Variants in NOL6 observed in about 807,000 individuals in gnomAD.
NOL6 encodes the protein nucleolar RNA-associated protein.
NOL6 carries 33 observed loss-of-function variants against 131.7 expected under a neutral mutation model. The observed-to-expected ratio is 0.25, with a 90% CI of 0.19 to 0.33. The LOEUF (loss-of-function observed/expected upper bound fraction) is 0.33. Ranked by LOEUF, NOL6 falls within the 10% of genes least tolerant of loss-of-function variation. The pLI is 1.00. For synonymous variants in NOL6, 580 were observed against 605.7 expected, an observed-to-expected ratio of 0.96 and a Z score of 0.62; for missense variants, 1,297 against 1,494.5, an observed-to-expected ratio of 0.87 and a Z score of 2.18.
Position 33,465,831 on chromosome 9 carries a change from T to G in NOL6, c.2431A>C (p.Ser811Arg), listed in dbSNP as rs1442516089. ...CTCAGCGAGATCATCCCCTCTGGGC[T>G]CTGCACCTCCTTCAGGATCTGGGGC... ...REPQILKEVQ[S>R]PEGMISLRDT... Residue 811 changes from serine to arginine, a missense_variant, in exon 19 of 26, where the codon AGC (serine) becomes CGC (arginine). Ser to Arg is a moderately radical substitution (Grantham distance 110). Transcript: ENST00000297990. 2 of 1,614,098 alleles carry G rather than the reference T, an allele frequency of 1.2e-6. No individual in the cohort carries two copies. The highest frequency in any genetic ancestry group is 1.7e-6 in the Non-Finnish European group (2 of 1,179,996).
chr9:33,464,210 A>T, intron 21 of NOL6, 49 bp from the exon 22 acceptor site: 1 of 1,550,176 alleles, frequency 6.5e-7, no homozygotes, highest in South Asian at 1.2e-5. Context: ...CCTGTAAGAC[A>T]CCCTCTACTC....
At chr9:33,469,934 C>A in intron 4 of NOL6, 78 bp downstream of exon 4, 1 of 1,390,740 alleles carries the variant, frequency 7.2e-7, no homozygotes, top group Non-Finnish European at 9.7e-7. Context: ...CCCTGGCAAG[C>A]GGCAGATAAG....
Position 33,469,643 on chromosome 9 carries a change from G to A in NOL6, c.583C>T (p.Leu195=), listed in dbSNP as rs370528708. The change falls in exon 5 of 26, where the codon CTG becomes TTG. Residue 195 remains leucine (L), a synonymous_variant. Coordinates refer to ENST00000297990, the MANE Select transcript of NOL6 (RefSeq NM_022917.5). ...CGCTTGCGGAAGTAGCGCTGGTTCAGCCCGTCCTTGTCCTGTAGGATTTCC... is the reference window on the plus strand; with the variant it reads ...CGCTTGCGGAAGTAGCGCTGGTTCAACCCGTCCTTGTCCTGTAGGATTTCC... ...PREILQDKDG[L]NQRYFRKRAL... 1 of 1,612,912 alleles carries A rather than the reference G, an allele frequency of 6.2e-7. No homozygotes were observed. Among genetic ancestry groups the A allele is most frequent in the Non-Finnish European group, 8.5e-7 (1 of 1,179,628 alleles).
At position 33,466,241 on chromosome 9, in the gene NOL6, C is replaced by T. The variant is rs753520824; in HGVS notation, c.2210-16G>A. 1 of 1,610,540 alleles carries T rather than the reference C, an allele frequency of 6.2e-7. No individual in the cohort carries two copies. ...TGACAAACCACTGAGGAAGAAGAGT[C>T]AGAGGTCTCATACTGTGGCCTGGAG... On this transcript the variant is annotated splice_polypyrimidine_tract_variant and intron_variant, in intron 17 of 25. Transcript: ENST00000297990.
rs748927445 is a variant in NOL6 at position 33,462,634 on chromosome 9, G to C, written c.*30C>G. On this transcript the variant is annotated 3_prime_UTR_variant, in exon 26 of 26. Coordinates refer to ENST00000297990, the MANE Select transcript of NOL6 (RefSeq NM_022917.5). ...TGCTCTAGAGGTCCAATGTCCTGCT[G>C]TCCGTCTACAGCTTGCTCCAGAGCT... is the stretch of plus-strand genomic sequence containing the variant. The C allele has an allele frequency of 6.2e-7, 1 of 1,612,044 alleles. No homozygotes were observed. Among genetic ancestry groups the C allele is most frequent in the Non-Finnish European group, 8.5e-7 (1 of 1,178,544 alleles).
rs1388302383 is a variant in NOL6 at position 33,468,788 on chromosome 9, C to T, written c.1111G>A (p.Gly371Ser). 2.5e-6 allele frequency: 4 copies of T among 1,614,088 alleles called. No individual in the cohort carries two copies. The highest frequency in any genetic ancestry group is 3.4e-6 in the Non-Finnish European group (4 of 1,180,052). Reference sequence around the variant, plus strand: ...AAGACACTTCTCAGGACCTGGTAGCCACTCATGGTGGTATGGATCTTGCGT... The same window carrying T: ...AAGACACTTCTCAGGACCTGGTAGCTACTCATGGTGGTATGGATCTTGCGT... ...STRKIHTTMS[G>S]YQVLRSVLQF... Residue 371 changes from glycine to serine, a missense_variant, in exon 8 of 26, where the codon GGC becomes AGC. Gly to Ser is a moderately conservative substitution (Grantham distance 56, BLOSUM62 0). Transcript: ENST00000297990.
Position 33,463,247 on chromosome 9 carries a change from C to T in NOL6, c.3189G>A (p.Arg1063=). The change falls in exon 24 of 26, where the codon AGG becomes AGA. Residue 1063 remains arginine (R), a splice_region_variant and synonymous_variant. Transcript: ENST00000297990. ...GGTCATTCAGCTGTTTAGGACCAAC[C>T]CTGAGCTGCGTCAGATAGAGCTGAG... is the stretch of plus-strand genomic sequence containing the variant. The part of the protein sequence containing the change: ...DPPQLYLTQL[R]EAFGDLALFF... 6.2e-7 allele frequency: 1 copy of T among 1,613,364 alleles called. No individual in the cohort carries two copies. Among genetic ancestry groups the T allele is most frequent in the South Asian group, 1.1e-5 (1 of 91,008 alleles).
chr9:33,466,804 G>A (rs1389661618), intron 15 of NOL6, 95 bp from the exon 16 acceptor site: 16 of 1,570,338 alleles, frequency 1.0e-5, no homozygotes, highest in Admixed American at 1.7e-5. Flanking sequence ...AGCCAGCACC[G>A]CCGCCTGCTG....
chr9:33,471,960 G>C (rs772259193), intron 3 of NOL6, 44 bp downstream of exon 3: 1 of 1,347,552 alleles, frequency 7.4e-7, no homozygotes, highest in Non-Finnish European at 1.1e-6. Flanking sequence ...ACCCCCACTG[G>C]AGGTCTCTCT....
intron 10 of NOL6, 83 bp downstream of exon 10, chr9:33,468,238 G>C (rs1827304692): frequency 1.9e-6 from 3 of 1,608,516 alleles, no homozygotes; most frequent in South Asian, 2.2e-5. Context: ...TTGAAGAGGA[G>C]TTTCTGGGGT....
At chr9:33,465,656 A>C in intron 19 of NOL6, 78 bp downstream of exon 19, 3 of 1,472,668 alleles carry the variant, frequency 2.0e-6, no homozygotes, top group Non-Finnish European at 2.8e-6. Context: ...TGGCCCCTGG[A>C]GAGACAGGTG....
At position 33,471,001 on chromosome 9, in the gene NOL6, G is replaced by A. The variant is rs187847210; in HGVS notation, c.379-810C>T. On this transcript the variant is annotated intron_variant, in intron 3 of 25. Coordinates refer to ENST00000297990, the MANE Select transcript of NOL6 (RefSeq NM_022917.5). ...AAAGTGAACGTTTTAGGCTGGGCAC[G>A]GTGGCTCACACCTGTAATCCCAGCA... Among the ~76,000 whole-genome samples the A allele has an allele frequency of 7.0e-3, 1,064 of 152,086 alleles. 20 individuals are homozygous for A. The highest frequency in any genetic ancestry group is 0.024 in the African/African-American group (1,001 of 41,506).
intron 23 of NOL6, 148 bp downstream of exon 23, chr9:33,463,683 C>A: frequency 1.1e-6 from 1 of 898,768 alleles, no homozygotes; most frequent in Non-Finnish European, 1.7e-6. Context: ...CCAGGCTCTG[C>A]CACCCCAGGC....
At chr9:33,470,277 C>T (rs374606524) in intron 3 of NOL6, 86 bp from the exon 4 acceptor site, 24 of 1,204,338 alleles carry the variant, frequency 2.0e-5, no homozygotes, top group South Asian at 1.4e-4. Context: ...TTTAACACAT[C>T]GATATGTTTG....
At position 33,471,975 on chromosome 9, in the gene NOL6, C is replaced by T. The variant is rs893584223; in HGVS notation, c.378+29G>A. 2.0e-6 allele frequency: 3 copies of T among 1,527,964 alleles called. No individual in the cohort carries two copies. In the Admixed American group the frequency reaches 5.0e-5, roughly 26 times the overall value. The allele number at this position is 1,527,964 out of a possible 1,614,324, so 94.7% of individuals were successfully genotyped here. A position where few individuals can be genotyped will look rare whatever the true frequency, so the allele number is the denominator to read the frequency against. On this transcript the variant is annotated intron_variant, in intron 3 of 25. Transcript: ENST00000297990. ...ACCCCCACTGGAGGTCTCTCTTGGGCTTCCCAGTTCCCCAGGCCACTTGCT... is the reference window on the plus strand; with the variant it reads ...ACCCCCACTGGAGGTCTCTCTTGGGTTTCCCAGTTCCCCAGGCCACTTGCT...
chr9:33,468,906 C>T, intron 7 of NOL6, 34 bp from the exon 8 acceptor site: 1 of 1,614,018 alleles, frequency 6.2e-7, no homozygotes, highest in Non-Finnish European at 8.5e-7. Flanking sequence ...AGGTCAGAGC[C>T]TGCCCATCAC....
intron 3 of NOL6, among the ~76,000 whole-genome samples, chr9:33,471,683 AC>A (rs1396232332): frequency 6.6e-6 from 1 of 152,170 alleles, no homozygotes; most frequent in Non-Finnish European, 1.5e-5. Context: ...TGCTCGTCCT[AC>A]TTTTTCCTTT....
At position 33,472,064 on chromosome 9, in the gene NOL6, A is replaced by T. The variant is rs1289878996; in HGVS notation, c.318T>A (p.Asp106Glu). The T allele has an allele frequency of 1.2e-6, 2 of 1,613,602 alleles. No homozygotes were observed. The highest frequency in any genetic ancestry group is 1.7e-6 in the Non-Finnish European group (2 of 1,180,032). Residue 106 changes from aspartate (D) to glutamate (E), a missense_variant, in exon 3 of 26, where the codon GAT becomes GAA. Physicochemically the swap from Asp to Glu is conservative, Grantham distance 45. Transcript: ENST00000297990. ...RLSEKKKDRI[D>E]AFLREVNQRV... The stretch of plus-strand genomic sequence containing the variant: ...GCTGGTTGACCTCCCGTAGGAAGGC[A>T]TCAATCCGATCCTTCTTCTTCTCTG...
chr9:33,468,209 A>G lies in NOL6; in HGVS notation c.1309-64T>C, dbSNP rs1172233454. ...GATCCAAGGGCTTAGACCAGGAGAC[A>G]TGCCCTAAACTTAACTCTTTGAAGA... On this transcript the variant is annotated intron_variant, in intron 10 of 25. Transcript: ENST00000297990. The G allele has an allele frequency of 4.3e-6, 7 of 1,612,660 alleles. No individual in the cohort carries two copies. In the African/African-American group the frequency reaches 9.3e-5, roughly 22 times the overall value.
Sources: allele counts gnomAD v4.1 joint callset (sites outside exome capture counted in the v4.1 genomes callset), GRCh38; gene constraint gnomAD v4.1.1; transcripts MANE v1.5; gene names NCBI Gene and HGNC (gene_info 2026-07-23, HGNC 2026-07-21).